FMNL2: variants seen among roughly 807,000 people sequenced by gnomAD.
FMNL2 encodes formin like 2.
In FMNL2, 51 loss-of-function variants were observed where a neutral mutation model predicts 130.2. That is an observed-to-expected ratio of 0.39 (90% CI 0.31 to 0.49). The LOEUF (loss-of-function observed/expected upper bound fraction) is 0.49, where lower values mean the gene tolerates loss of function less well. FMNL2 is among the 20% of genes least tolerant of loss of function. The pLI, the probability that FMNL2 is intolerant of heterozygous loss-of-function variation, is 0.85. For missense variants in FMNL2, 977 were observed against 1,316.2 expected (o/e 0.74, Z 3.99); for synonymous variants, 465 against 467.1 (o/e 1.00, Z 0.06).
intron 1 of FMNL2, among the ~76,000 whole-genome samples, chr2:152,364,259 G>GTTTTTTTTTTTTTTT (rs1163993397): frequency 3.0e-5 from 3 of 100,766 alleles, no homozygotes; most frequent in Non-Finnish European, 5.4e-5. Flanking sequence ...GGAGGTTTGT[G>GTTTTTTTTTTTTTTT]TGTTTTTTTT....
intron 9 of FMNL2, among the ~76,000 whole-genome samples, chr2:152,598,689 C>A (rs1345994707): frequency 6.6e-6 from 1 of 152,004 alleles, no homozygotes; most frequent in Admixed American, 6.5e-5. Context: ...GACTCTGTCT[C>A]AATCAGTCAG....
intron 1 of FMNL2, among the ~76,000 whole-genome samples, chr2:152,370,643 G>C (rs190146839): frequency 5.8e-4 from 88 of 152,318 alleles, no homozygotes; most frequent in African/African-American, 2.1e-3. Flanking sequence ...ATTCTTTGCA[G>C]AGAAGAGTTG....
intron 1 of FMNL2, among the ~76,000 whole-genome samples, chr2:152,453,883 A>G (rs1333926758): frequency 1.3e-5 from 2 of 152,238 alleles, no homozygotes; most frequent in East Asian, 1.9e-4. Flanking sequence ...TTTCAAAAAC[A>G]TGAGAAATAA....
intron 15 of FMNL2, among the ~76,000 whole-genome samples, chr2:152,623,900 A>G (rs545391107): frequency 5.1e-4 from 78 of 151,968 alleles, no homozygotes; most frequent in African/African-American, 1.7e-3. Context: ...TCTCTCTATT[A>G]AGAGGTTTTC....
intron 2 of FMNL2, among the ~76,000 whole-genome samples, chr2:152,534,292 T>C (rs1693865398): frequency 6.6e-6 from 1 of 152,196 alleles, no homozygotes; most frequent in South Asian, 2.1e-4. Flanking sequence ...TGCTTTAAAG[T>C]TTCACTGACA....
chr2:152,521,836 A>C, intron 1 of FMNL2, 107 bp from the exon 2 acceptor site: 1 of 821,494 alleles, frequency 1.2e-6, no homozygotes, highest in Non-Finnish European at 2.0e-6. Flanking sequence ...ATTGAGAGAA[A>C]GTCATGAAAA....
At chr2:152,455,328 A>G (rs1276358708) in intron 1 of FMNL2, among the ~76,000 whole-genome samples, 4 of 152,226 alleles carry the variant, frequency 2.6e-5, no homozygotes, top group South Asian at 2.1e-4. Context: ...AGGAAATGGA[A>G]TCAAATCAGA....
intron 1 of FMNL2, among the ~76,000 whole-genome samples, chr2:152,458,451 ATTCC>A (rs1291817429): frequency 6.6e-6 from 1 of 152,188 alleles, no homozygotes; most frequent in Non-Finnish European, 1.5e-5. Flanking sequence ...TGCCTGGGTC[ATTCC>A]TTCCAAACCA....
intron 24 of FMNL2, 93 bp from the exon 25 acceptor site, chr2:152,640,697 CT>C (rs1179797567): frequency 2.0e-6 from 3 of 1,472,958 alleles, no homozygotes; most frequent in Non-Finnish European, 2.7e-6. Context: ...GCCGAAGCTG[CT>C]TATTAGTAAC....
intron 1 of FMNL2, among the ~76,000 whole-genome samples, chr2:152,367,077 G>GT (rs796813762): frequency 0.011 from 1,584 of 145,208 alleles, 32 homozygotes; most frequent in African/African-American, 0.038. Flanking sequence ...GTGTGTGTTT[G>GT]TTTTTTTTTT....
chr2:152,336,092 A>AAAAATAAAAC (rs5835421), intron 1 of FMNL2, among the ~76,000 whole-genome samples: 2 of 132,268 alleles, frequency 1.5e-5, no homozygotes, highest in Non-Finnish European at 3.3e-5. Flanking sequence ...TTTTTTTAAA[A>AAAAATAAAAC]AAAACAAAAC....
chr2:152,595,962 CTT>C (rs542948085), intron 9 of FMNL2, among the ~76,000 whole-genome samples: 2,948 of 131,694 alleles, frequency 0.022, 84 homozygotes, highest in African/African-American at 0.074. Context: ...GCAAGGAAGT[CTT>C]TTTTTTTTTT....
At chr2:152,616,126 A>G (rs1245107533) in intron 12 of FMNL2, among the ~76,000 whole-genome samples, 4 of 152,096 alleles carry the variant, frequency 2.6e-5, no homozygotes, top group Admixed American at 2.6e-4. Context: ...TAATGAATTT[A>G]AAGGAGATGT....
chr2:152,388,451 G>A (rs920378654), intron 1 of FMNL2, among the ~76,000 whole-genome samples: 1 of 152,084 alleles, frequency 6.6e-6, no homozygotes, highest in African/African-American at 2.4e-5. Flanking sequence ...AAGCCCTTAC[G>A]AAACCATCAG....
chr2:152,643,849 G>C (rs763777484), intron 25 of FMNL2: 43 of 985,298 alleles, frequency 4.4e-5, no homozygotes, highest in Non-Finnish European at 4.9e-5. Flanking sequence ...TTGGTACCAA[G>C]TAGATTGCTT....
intron 25 of FMNL2, among the ~76,000 whole-genome samples, chr2:152,646,316 A>C (rs1030927980): frequency 7.0e-6 from 1 of 142,818 alleles, no homozygotes. Context: ...AGTGACAGAG[A>C]CTGTCCTCCC....
chr2:152,575,804 A>C (rs531829683), intron 7 of FMNL2, among the ~76,000 whole-genome samples: 3 of 152,322 alleles, frequency 2.0e-5, no homozygotes, highest in African/African-American at 7.2e-5. Context: ...AAACAGGCAA[A>C]AAGTTACAAT....
chr2:152,617,403 G>A (rs764186228), intron 13 of FMNL2, among the ~76,000 whole-genome samples: 2 of 152,248 alleles, frequency 1.3e-5, no homozygotes, highest in Non-Finnish European at 2.9e-5. Context: ...TGGGGGTTCA[G>A]TATTTCCTTA....
chr2:152,412,953 C>A (rs1686401905), intron 1 of FMNL2, among the ~76,000 whole-genome samples: 1 of 152,180 alleles, frequency 6.6e-6, no homozygotes, highest in Non-Finnish European at 1.5e-5. Context: ...TCTCATGGCT[C>A]AACCTGTTGA....
Sources: gnomAD v4.1 joint callset for allele counts (sites outside exome capture counted in the v4.1 genomes callset) on GRCh38, gnomAD v4.1.1 for gene constraint, MANE v1.5 for transcripts, NCBI Gene and HGNC (gene_info 2026-07-23, HGNC 2026-07-21) for gene names.